The following GLP2R variants were observed in gnomAD, a reference collection of about 807,000 sequenced individuals.
GLP2R encodes glucagon-like peptide 2 receptor.
A neutral mutation model predicts 68.2 loss-of-function variants in GLP2R; 59 were observed. The observed-to-expected ratio is 0.87, with a 90% CI of 0.70 to 1.07. The LOEUF is 1.07. GLP2R is among the 50% of genes least tolerant of loss of function. The pLI, the probability that GLP2R is intolerant of heterozygous loss-of-function variation, is 0.00. For synonymous variants in GLP2R, 270 were observed against 265.4 expected (o/e 1.02, Z -0.17); for missense variants, 548 against 677.4 (o/e 0.81, Z 2.12).
At chr17:9,864,486 TTTTG>T (rs371335549) in intron 9 of GLP2R, among the ~76,000 whole-genome samples, 2,078 of 150,010 alleles carry the variant, frequency 0.014, 42 homozygotes, top group African/African-American at 0.044. Context: ...TTTTCTGTTT[TTTTG>T]TTTGTTTGTT....
chr17:9,842,969 A>C (rs1447671223), intron 4 of GLP2R, among the ~76,000 whole-genome samples: 1 of 152,180 alleles, frequency 6.6e-6, no homozygotes, highest in African/African-American at 2.4e-5. Flanking sequence ...GAGATCTTCC[A>C]GGGTCACCTA....
intron 6 of GLP2R, among the ~76,000 whole-genome samples, chr17:9,858,429 A>G (rs1403650674): frequency 6.6e-6 from 1 of 152,334 alleles, no homozygotes; most frequent in East Asian, 1.9e-4. Flanking sequence ...CCTTGTTGCC[A>G]TTCATGAGAA....
At chr17:9,884,900 G>C (rs982747384) in intron 11 of GLP2R, among the ~76,000 whole-genome samples, 1 of 152,116 alleles carries the variant, frequency 6.6e-6, no homozygotes, top group Non-Finnish European at 1.5e-5. Flanking sequence ...CTCTGCAGCT[G>C]TTATGTAGTA....
intron 4 of GLP2R, among the ~76,000 whole-genome samples, chr17:9,843,509 A>G (rs1003775067): frequency 2.0e-5 from 3 of 152,234 alleles, no homozygotes; most frequent in Admixed American, 1.3e-4. Flanking sequence ...CTCCTGCCCT[A>G]TCCCCAGGGT....
chr17:9,869,122 T>TCTC (rs1006392581), intron 9 of GLP2R, among the ~76,000 whole-genome samples: 1 of 152,174 alleles, frequency 6.6e-6, no homozygotes, highest in Admixed American at 6.5e-5. Context: ...GATCCCTTCC[T>TCTC]CTCCATCATG....
chr17:9,857,051 A>G (rs2152038521), intron 5 of GLP2R, among the ~76,000 whole-genome samples: 1 of 152,022 alleles, frequency 6.6e-6, no homozygotes, highest in East Asian at 1.9e-4. Flanking sequence ...CCTCCCAAGT[A>G]GCTGGGATTA....
At chr17:9,849,888 C>T (rs932065300) in intron 4 of GLP2R, among the ~76,000 whole-genome samples, 1 of 152,194 alleles carries the variant, frequency 6.6e-6, no homozygotes, top group African/African-American at 2.4e-5. Flanking sequence ...GCTGGGATTA[C>T]AGGCATGAGC....
intron 11 of GLP2R, among the ~76,000 whole-genome samples, chr17:9,884,757 TC>T (rs2067227239): frequency 6.6e-6 from 1 of 152,174 alleles, no homozygotes; most frequent in Admixed American, 6.5e-5. Flanking sequence ...GCAATTTTTT[TC>T]CCATTATGAA....
chr17:9,862,848 A>G (rs914844716), intron 9 of GLP2R, among the ~76,000 whole-genome samples: 5 of 152,156 alleles, frequency 3.3e-5, no homozygotes, highest in Non-Finnish European at 5.9e-5. Flanking sequence ...CTGTTCCCCA[A>G]GGGGTTGCTG....
rs189338768 is a variant in GLP2R at position 9,889,722 on chromosome 17, C to T, written c.*17C>T. On this transcript the variant is annotated 3_prime_UTR_variant, in exon 13 of 13. Transcript: ENST00000262441. ...GAGATCTAGGGTGGAGTTCCACCAC[C>T]CTGGCTCTGCTCCCAGGGACTCTTG... The T allele has an allele frequency of 3.2e-3, 4,720 of 1,471,336 alleles. 12 individuals carry two copies. The highest frequency in any genetic ancestry group is 4.1e-3 in the Non-Finnish European group (4,460 of 1,089,402). 91.1% of individuals were successfully genotyped at this position (1,471,336 alleles called of 1,614,324 possible). A position where few individuals can be genotyped will look rare whatever the true frequency, so the allele number is the denominator to read the frequency against.
At chr17:9,886,052 GT>G (rs1297767970) in intron 11 of GLP2R, among the ~76,000 whole-genome samples, 1 of 152,222 alleles carries the variant, frequency 6.6e-6, no homozygotes, top group East Asian at 1.9e-4. Flanking sequence ...CTCCTGCCGT[GT>G]TTCTCTGCAT....
rs16958855 is a variant in GLP2R, at chr17:9,864,334, T to G, written c.1056+2244T>G. The stretch of plus-strand genomic sequence containing the variant: ...GCATTGGAACAAGCTCCCCAGGTTT[T>G]GGATGAACATTAAAGTTTGTGAACC... On this transcript the variant is annotated intron_variant, in intron 9 of 12. Coordinates refer to ENST00000262441, the MANE Select transcript of GLP2R (RefSeq NM_004246.3). 5.7e-3 allele frequency among the ~76,000 whole-genome samples: 866 copies of G among 152,318 alleles called. 7 individuals carry two copies. The highest frequency in any genetic ancestry group is 0.019 in the African/African-American group (810 of 41,570).
chr17:9,872,214 G>A (rs538136246), intron 10 of GLP2R, among the ~76,000 whole-genome samples: 1 of 152,334 alleles, frequency 6.6e-6, no homozygotes, highest in East Asian at 1.9e-4. Context: ...TGGGAAGGGA[G>A]TTTTTCCTTT....
chr17:9,842,158 G>T (rs74522411), intron 3 of GLP2R, among the ~76,000 whole-genome samples: 4,590 of 152,226 alleles, frequency 0.03, 91 homozygotes, highest in East Asian at 0.076. Flanking sequence ...GCCTCAGGAA[G>T]AGATGCCCCA....
At chr17:9,847,505 T>C (rs915707789) in intron 4 of GLP2R, among the ~76,000 whole-genome samples, 4 of 152,130 alleles carry the variant, frequency 2.6e-5, no homozygotes, top group Non-Finnish European at 5.9e-5. Flanking sequence ...CCTGACCTCG[T>C]GATCTGTCCG....
intron 4 of GLP2R, among the ~76,000 whole-genome samples, chr17:9,843,841 G>GTA (rs2066810917): frequency 6.6e-6 from 1 of 152,180 alleles, no homozygotes; most frequent in Non-Finnish European, 1.5e-5. Context: ...AAGCATATAC[G>GTA]ATGGGTTAGG....
Position 9,827,177 on chromosome 17 carries a change from G to GT in GLP2R, c.189+936dup, listed in dbSNP as rs201953506. On this transcript the variant is annotated intron_variant, in intron 1 of 12. Transcript: ENST00000262441. ...AGCCACTGTACCAGGCCTACATACA[G>GT]TTTTTTTTTTTAAACAAACACAGGC... 3.5e-3 allele frequency among the ~76,000 whole-genome samples: 513 copies of GT among 148,136 alleles called. 2 individuals carry two copies. The highest frequency in any genetic ancestry group is 5.3e-3 in the Non-Finnish European group (351 of 66,496).
intron 7 of GLP2R, 118 bp from the exon 8 acceptor site, chr17:9,861,021 T>A: frequency 4.0e-6 from 3 of 751,332 alleles, no homozygotes; most frequent in Non-Finnish European, 7.3e-6. Flanking sequence ...AGTCCACAAC[T>A]CCATGATGTT....
At chr17:9,837,781 C>A (rs1597377988) in intron 3 of GLP2R, among the ~76,000 whole-genome samples, 1 of 152,278 alleles carries the variant, frequency 6.6e-6, no homozygotes, top group African/African-American at 2.4e-5. Flanking sequence ...CACAGACCAC[C>A]AGCAAATACA....
Sources: allele counts gnomAD v4.1 joint callset (sites outside exome capture counted in the v4.1 genomes callset), GRCh38; gene constraint gnomAD v4.1.1; transcripts MANE v1.5; gene names NCBI Gene and HGNC (gene_info 2026-07-23, HGNC 2026-07-21).